The following FRMD6 variants were observed in gnomAD, a reference collection of about 807,000 sequenced individuals.
The protein encoded by FRMD6 is FERM domain-containing protein 6.
Under a neutral mutation model 73.2 loss-of-function variants are expected in FRMD6, and 37 were observed. The ratio of observed to expected loss-of-function variants is 0.51; its 90% CI spans 0.39 to 0.66. The LOEUF (loss-of-function observed/expected upper bound fraction) is 0.66, where lower values mean the gene tolerates loss of function less well. Among genes scored for constraint, FRMD6 ranks in the 30% least tolerant of loss-of-function variants. The probability of loss-of-function intolerance (pLI) is 0.00; values close to 1 mark genes in which losing one functional copy is unlikely to be tolerated. For synonymous variants in FRMD6, 273 were observed against 282.2 expected (o/e 0.97, Z 0.33); for missense variants, 714 against 780.5 (o/e 0.91, Z 1.02).
chr14:51,497,747 C>T (rs1883388271), intron 1 of FRMD6, among the ~76,000 whole-genome samples: 1 of 152,164 alleles, frequency 6.6e-6, no homozygotes, highest in African/African-American at 2.4e-5. Flanking sequence ...ACTTACAAAA[C>T]ATCTCAATTT....
chr14:51,472,372 C>T, the FRMD6 span, among the ~76,000 whole-genome samples: 1 of 152,122 alleles, frequency 6.6e-6, no homozygotes, highest in Non-Finnish European at 1.5e-5. Context: ...GGTGCGATCT[C>T]AGCTCACTGC....
chr14:51,587,227 G>C (rs938632254), intron 2 of FRMD6, among the ~76,000 whole-genome samples: 1 of 152,090 alleles, frequency 6.6e-6, no homozygotes, highest in Non-Finnish European at 1.5e-5. Flanking sequence ...TTTATTTCTG[G>C]GTTCCCTATT....
chr14:51,594,667 T>C (rs1304436446), intron 2 of FRMD6, among the ~76,000 whole-genome samples: 1 of 151,934 alleles, frequency 6.6e-6, no homozygotes, highest in Non-Finnish European at 1.5e-5. Flanking sequence ...TTCACTATGT[T>C]GGTGAGGCTG....
At chr14:51,651,707 G>C (rs906192384), upstream of FRMD6, 2 of 151,692 alleles carry the variant, frequency 1.3e-5, no homozygotes, top group African/African-American at 2.4e-5. Context: ...TGGGTCCAGG[G>C]CGGGGCGGGC....
chr14:51,408,648 CCTG>C, the FRMD6 span, among the ~76,000 whole-genome samples: 7 of 152,222 alleles, frequency 4.6e-5, no homozygotes, highest in East Asian at 1.4e-3. Context: ...GTTTTACTCT[CCTG>C]CTCATATTTT....
intron 2 of FRMD6, among the ~76,000 whole-genome samples, chr14:51,690,542 C>T (rs998447923): frequency 5.9e-5 from 9 of 152,142 alleles, no homozygotes; most frequent in East Asian, 1.9e-4. Context: ...CGCACCACCA[C>T]GCCCGGCTAA....
chr14:51,443,345 A>C, the FRMD6 span, among the ~76,000 whole-genome samples: 4 of 152,228 alleles, frequency 2.6e-5, no homozygotes, highest in African/African-American at 9.6e-5. Context: ...TTCTGTCCCC[A>C]AAATCTTTCT....
intron 2 of FRMD6, among the ~76,000 whole-genome samples, chr14:51,585,833 T>C (rs1290881970): frequency 6.6e-6 from 1 of 150,884 alleles, no homozygotes; most frequent in Non-Finnish European, 1.5e-5. Context: ...TTCTGAGTCA[T>C]TTCACTTAGG....
At chr14:51,675,878 G>GT (rs1241564718) in intron 1 of FRMD6, among the ~76,000 whole-genome samples, 1 of 151,962 alleles carries the variant, frequency 6.6e-6, no homozygotes, top group African/African-American at 2.4e-5. Context: ...TTTATGTAGG[G>GT]TAAAAATTAA....
intron 1 of FRMD6, among the ~76,000 whole-genome samples, chr14:51,496,504 T>C (rs34680421): frequency 0.6 from 91,614 of 151,936 alleles, 27,812 homozygotes; most frequent in East Asian, 0.69. Context: ...GACTCTAACT[T>C]CTGTGATTTT....
At chr14:51,469,097 C>T in the FRMD6 span, among the ~76,000 whole-genome samples, 835 of 151,690 alleles carry the variant, frequency 5.5e-3, 4 homozygotes, top group East Asian at 0.043. Flanking sequence ...CCTGCCACCA[C>T]GCCCGGCTAA....
chr14:51,547,294 C>T (rs1228800398), intron 1 of FRMD6, among the ~76,000 whole-genome samples: 1 of 152,162 alleles, frequency 6.6e-6, no homozygotes, highest in African/African-American at 2.4e-5. Flanking sequence ...ATAATTCTAA[C>T]GAGTGTAAAG....
At chr14:51,540,700 T>C (rs1168711046) in intron 1 of FRMD6, among the ~76,000 whole-genome samples, 2 of 117,312 alleles carry the variant, frequency 1.7e-5, no homozygotes, top group Non-Finnish European at 3.3e-5. Flanking sequence ...CAAATATTTA[T>C]AGTACTTAAT....
upstream of FRMD6, among the ~76,000 whole-genome samples, chr14:51,486,256 C>T (rs1413532795): frequency 1.3e-5 from 2 of 151,930 alleles, no homozygotes; most frequent in Admixed American, 1.3e-4. Context: ...GGATGGTCTC[C>T]ATCTACTGAC....
the FRMD6 span, among the ~76,000 whole-genome samples, chr14:51,445,903 T>C: frequency 6.6e-6 from 1 of 152,240 alleles, no homozygotes; most frequent in Admixed American, 6.5e-5. Context: ...CTACATAGCA[T>C]GTTACATACC....
chr14:51,643,827 A>G (rs1456848965), intron 2 of FRMD6: 2 of 152,212 alleles, frequency 1.3e-5, no homozygotes, highest in Non-Finnish European at 2.9e-5. Context: ...TTCAACTCAA[A>G]CTATTCTGTT....
intron 1 of FRMD6, among the ~76,000 whole-genome samples, chr14:51,515,151 G>C (rs1292308975): frequency 6.6e-6 from 1 of 152,162 alleles, no homozygotes; most frequent in Admixed American, 6.5e-5. Context: ...TTTCTTAAAT[G>C]GTTCAGTTCT....
intron 1 of FRMD6, among the ~76,000 whole-genome samples, chr14:51,520,842 C>T (rs774981975): frequency 1.3e-5 from 2 of 151,942 alleles, no homozygotes; most frequent in Non-Finnish European, 1.5e-5. Context: ...CTGAGGAGGT[C>T]GAGGCTGCAG....
chr14:51,519,194 T>C (rs2140288272), intron 1 of FRMD6, among the ~76,000 whole-genome samples: 1 of 118,216 alleles, frequency 8.5e-6, no homozygotes, highest in African/African-American at 3.2e-5. Flanking sequence ...CAACGGAGTC[T>C]CACTCTGTCG....
Sources: allele counts gnomAD v4.1 joint callset (sites outside exome capture counted in the v4.1 genomes callset), GRCh38; gene constraint gnomAD v4.1.1; transcripts MANE v1.5; gene names NCBI Gene and HGNC (gene_info 2026-07-23, HGNC 2026-07-21).